ARHGAP42: variants seen among roughly 807,000 people sequenced by gnomAD.
ARHGAP42 encodes rho GTPase-activating protein 42.
In ARHGAP42, 63 loss-of-function variants were observed where a neutral mutation model predicts 125.0. The observed-to-expected ratio is 0.50, with a 90% CI of 0.41 to 0.62. The LOEUF (loss-of-function observed/expected upper bound fraction) is 0.62. ARHGAP42 is among the 20% of genes least tolerant of loss of function. The pLI, the probability that ARHGAP42 is intolerant of heterozygous loss-of-function variation, is 0.00. For synonymous variants in ARHGAP42, 339 were observed against 351.0 expected (o/e 0.97, Z 0.38); for missense variants, 766 against 1,024.2 (o/e 0.75, Z 3.44).
chr11:100,741,667 A>G (rs891631936), intron 1 of ARHGAP42, among the ~76,000 whole-genome samples: 1 of 152,212 alleles, frequency 6.6e-6, no homozygotes, highest in Non-Finnish European at 1.5e-5. Flanking sequence ...GGTAGAGGAC[A>G]TGCGTTACTT....
intron 1 of ARHGAP42, among the ~76,000 whole-genome samples, chr11:100,750,330 C>G (rs1862415353): frequency 6.6e-6 from 1 of 151,664 alleles, no homozygotes; most frequent in South Asian, 2.1e-4. Context: ...GTGTCTTTCC[C>G]CTATTGGCTA....
In ARHGAP42 at chr11:100,809,729, T is replaced by G. The variant is rs140825066; in HGVS notation, c.312+14563T>G. 8.5e-5 allele frequency among the ~76,000 whole-genome samples: 13 copies of G among 152,220 alleles called. No homozygotes were observed. The East Asian group carries it at 2.3e-3, about 27-fold the overall frequency. On this transcript the variant is annotated intron_variant, in intron 3 of 23. Coordinates refer to ENST00000298815, the MANE Select transcript of ARHGAP42 (RefSeq NM_152432.4). ...CAGCATTTTGGGAGGCCAAGGTGGG[T>G]GGATCGCATGAGCCCAGAAGTTTGA...
chr11:100,832,133 C>G (rs1864676877), intron 3 of ARHGAP42, among the ~76,000 whole-genome samples: 1 of 152,218 alleles, frequency 6.6e-6, no homozygotes, highest in Admixed American at 6.5e-5. Context: ...GAGCCCACGC[C>G]AGGCTGTTGA....
chr11:100,725,128 C>T (rs1861832005), intron 1 of ARHGAP42, among the ~76,000 whole-genome samples: 1 of 150,304 alleles, frequency 6.7e-6, no homozygotes, highest in African/African-American at 2.4e-5. Flanking sequence ...TTATATAATT[C>T]TATTTGCTCC....
intron 1 of ARHGAP42, chr11:100,738,418 A>G (rs2120335919): frequency 6.6e-6 from 1 of 152,360 alleles, no homozygotes; most frequent in South Asian, 2.1e-4. Flanking sequence ...ACAGTACCGC[A>G]GTCTAACAAA....
At chr11:100,722,751 T>G (rs1861785573) in intron 1 of ARHGAP42, among the ~76,000 whole-genome samples, 1 of 152,214 alleles carries the variant, frequency 6.6e-6, no homozygotes, top group Non-Finnish European at 1.5e-5. Context: ...GTCTACAGCT[T>G]TTTATTCTCC....
intron 1 of ARHGAP42, among the ~76,000 whole-genome samples, chr11:100,714,751 C>T (rs932151361): frequency 3.9e-5 from 6 of 152,030 alleles, no homozygotes; most frequent in Admixed American, 3.3e-4. Context: ...TCTTATTTAG[C>T]CAGGCACAGT....
At chr11:100,976,677 TG>T in intron 20 of ARHGAP42, 137 bp from the exon 21 acceptor site, 1 of 1,148,728 alleles carries the variant, frequency 8.7e-7, no homozygotes. Flanking sequence ...AGTGATGGGT[TG>T]CTGTACTCAA....
rs544169642 is a variant in ARHGAP42, at chr11:100,826,587, C to A, written c.312+31421C>A. Among the ~76,000 whole-genome samples, 3 of 152,264 alleles carry A rather than the reference C, an allele frequency of 2.0e-5. No individual in the cohort carries two copies. The East Asian group carries it at 5.8e-4, about 29-fold the overall frequency. ...AGTGAATTTATCTAGACCTTACCAG[C>A]TCCTGAGTATCAATGTAGTTATATT... On this transcript the variant is annotated intron_variant, in intron 3 of 23. Transcript: ENST00000298815.
At chr11:100,734,366 G>T (rs1401931147) in intron 1 of ARHGAP42, among the ~76,000 whole-genome samples, 2 of 151,952 alleles carry the variant, frequency 1.3e-5, no homozygotes, top group East Asian at 3.9e-4. Context: ...CACAACCTCT[G>T]CCTCCCGGGT....
intron 4 of ARHGAP42, among the ~76,000 whole-genome samples, chr11:100,866,048 A>G (rs774800143): frequency 6.6e-6 from 1 of 152,190 alleles, no homozygotes; most frequent in Non-Finnish European, 1.5e-5. Context: ...ATTCCCTCAA[A>G]CACTGCTTCT....
chr11:100,712,795 AT>A (rs540896896), intron 1 of ARHGAP42, among the ~76,000 whole-genome samples: 2 of 151,836 alleles, frequency 1.3e-5, no homozygotes, highest in African/African-American at 2.4e-5. Context: ...CTTTAACTAC[AT>A]TTTTTTTCAA....
intron 1 of ARHGAP42, among the ~76,000 whole-genome samples, chr11:100,751,976 C>T (rs1862471369): frequency 6.6e-6 from 1 of 151,954 alleles, no homozygotes; most frequent in Admixed American, 6.6e-5. Flanking sequence ...GATGGGGTTT[C>T]ACCAGGTTGG....
At chr11:100,903,419 C>A (rs972021838) in intron 4 of ARHGAP42, among the ~76,000 whole-genome samples, 7 of 151,800 alleles carry the variant, frequency 4.6e-5, no homozygotes, top group Non-Finnish European at 8.8e-5. Context: ...GCAGAGAAAT[C>A]CAAATGCTTG....
At chr11:100,868,494 A>G (rs1257490605) in intron 4 of ARHGAP42, among the ~76,000 whole-genome samples, 1 of 152,236 alleles carries the variant, frequency 6.6e-6, no homozygotes, top group East Asian at 1.9e-4. Context: ...ATAGGTAAAG[A>G]AACTGAAGTG....
chr11:100,724,269 T>G (rs538013009), intron 1 of ARHGAP42, among the ~76,000 whole-genome samples: 1 of 152,238 alleles, frequency 6.6e-6, no homozygotes, highest in East Asian at 1.9e-4. Context: ...GAGATATTGG[T>G]CTGTAGTTTT....
chr11:100,916,754 A>G (rs2135236810), intron 5 of ARHGAP42, among the ~76,000 whole-genome samples: 1 of 152,338 alleles, frequency 6.6e-6, no homozygotes, highest in Non-Finnish European at 1.5e-5. Flanking sequence ...ATCAGAGATG[A>G]GCACAAAAAT....
chr11:100,789,027 G>GGTGTGGCCAGGTCTAGAAGC (rs1863500809), intron 2 of ARHGAP42, among the ~76,000 whole-genome samples: 1 of 151,962 alleles, frequency 6.6e-6, no homozygotes, highest in Non-Finnish European at 1.5e-5. Flanking sequence ...TATTTTTCTT[G>GGTGTGGCCAGGTCTAGAAGC]GTGTGGCCAG....
chr11:100,787,549 C>A (rs559868222), intron 2 of ARHGAP42, among the ~76,000 whole-genome samples: 1 of 152,040 alleles, frequency 6.6e-6, no homozygotes, highest in Non-Finnish European at 1.5e-5. Flanking sequence ...CAGAAGAGAG[C>A]GAAAGATTAA....
Sources: allele counts gnomAD v4.1 joint callset (sites outside exome capture counted in the v4.1 genomes callset), GRCh38; gene constraint gnomAD v4.1.1; transcripts MANE v1.5; gene names NCBI Gene and HGNC (gene_info 2026-07-23, HGNC 2026-07-21).